Variants in ADK observed in about 807,000 individuals in gnomAD.
ADK encodes adenosine kinase.
In ADK, 24 loss-of-function variants were observed where a neutral mutation model predicts 44.7. The ratio of observed to expected loss-of-function variants is 0.54; its 90% confidence interval spans 0.39 to 0.76. The LOEUF is 0.76. Ranked by LOEUF, ADK falls within the 30% of genes least tolerant of loss-of-function variation. The pLI is 0.00. For synonymous variants in ADK, 128 were observed against 142.6 expected, an observed-to-expected ratio of 0.90 and a Z score of 0.73; for missense variants, 321 against 425.1, an observed-to-expected ratio of 0.76 and a Z score of 2.15.
intron 1 of ADK, among the ~76,000 whole-genome samples, chr10:74,191,727 G>A (rs891909386): frequency 1.3e-5 from 2 of 152,036 alleles, no homozygotes; most frequent in Non-Finnish European, 2.9e-5. Context: ...AGCTGATTTC[G>A]GTGTTATACA....
chr10:74,596,712 ATTTTTGTATT>A lies in ADK; in HGVS notation c.763-3658_763-3649del, dbSNP rs1228645032. On this transcript the variant is annotated intron_variant, in intron 8 of 10. Transcript: ENST00000539909. ...AGGCGCATGCCACCACACCTAGCAA[ATTTTTGTATT>A]TTTTTGTAGAGATGAAGTTTTACTA... 4.6e-5 allele frequency among the ~76,000 whole-genome samples: 7 copies of A among 152,024 alleles called. No individual in the cohort carries two copies. In the East Asian group the frequency reaches 1.2e-3, roughly 25 times the overall value.
chr10:74,645,160 C>A (rs1285698085), intron 9 of ADK, among the ~76,000 whole-genome samples: 2 of 152,154 alleles, frequency 1.3e-5, no homozygotes, highest in Non-Finnish European at 2.9e-5. Flanking sequence ...ATCCCCTACC[C>A]CCTGCCCCAA....
chr10:74,411,014 C>T (rs1014455720), intron 6 of ADK, among the ~76,000 whole-genome samples: 5 of 152,050 alleles, frequency 3.3e-5, no homozygotes, highest in East Asian at 3.8e-4. Flanking sequence ...GTTTTGAACT[C>T]GTATGTGTTA....
chr10:74,229,197 A>G (rs1844655927), intron 3 of ADK, among the ~76,000 whole-genome samples: 1 of 152,182 alleles, frequency 6.6e-6, no homozygotes, highest in African/African-American at 2.4e-5. Context: ...GATGGAAGAA[A>G]ATAAATAAAT....
intron 6 of ADK, among the ~76,000 whole-genome samples, chr10:74,468,984 TGA>T (rs146476797): frequency 3.3e-5 from 5 of 151,946 alleles, no homozygotes; most frequent in East Asian, 3.9e-4. Flanking sequence ...TGTGTGTGTG[TGA>T]GAGAGAGAGA....
chr10:74,645,925 C>T (rs2134113136), intron 9 of ADK, among the ~76,000 whole-genome samples: 1 of 152,230 alleles, frequency 6.6e-6, no homozygotes, highest in South Asian at 2.1e-4. Flanking sequence ...TTATGGGAAC[C>T]ACCTAGAGCA....
chr10:74,189,401 C>G (rs1246418622), intron 1 of ADK, among the ~76,000 whole-genome samples: 1 of 152,160 alleles, frequency 6.6e-6, no homozygotes, highest in Non-Finnish European at 1.5e-5. Context: ...GTTTTAAGGC[C>G]TACCCTGTGG....
chr10:74,605,295 CGA>C (rs902385602), intron 9 of ADK, among the ~76,000 whole-genome samples: 3 of 152,072 alleles, frequency 2.0e-5, no homozygotes, highest in Non-Finnish European at 2.9e-5. Context: ...ATAGGAGTGG[CGA>C]GAGAGTGCAT....
intron 9 of ADK, among the ~76,000 whole-genome samples, chr10:74,603,061 A>C (rs759673184): frequency 3.3e-5 from 5 of 152,248 alleles, no homozygotes; most frequent in Admixed American, 3.3e-4. Context: ...CACAAAAGAG[A>C]TGCCAATTTG....
intron 2 of ADK, among the ~76,000 whole-genome samples, chr10:74,214,670 T>C (rs1173483496): frequency 1.3e-5 from 2 of 152,220 alleles, no homozygotes; most frequent in Non-Finnish European, 2.9e-5. Context: ...AGGAGCACAT[T>C]TGAATAAAAA....
intron 6 of ADK, among the ~76,000 whole-genome samples, chr10:74,477,639 G>T (rs1846906378): frequency 6.6e-6 from 1 of 151,966 alleles, no homozygotes; most frequent in African/African-American, 2.4e-5. Context: ...AGCTTTTCAG[G>T]ATCTCCTTGA....
chr10:74,390,813 A>G (rs1218212528), intron 4 of ADK, among the ~76,000 whole-genome samples: 1 of 152,186 alleles, frequency 6.6e-6, no homozygotes, highest in Non-Finnish European at 1.5e-5. Flanking sequence ...CACCTTGTGG[A>G]CTTAATCTCA....
intron 6 of ADK, among the ~76,000 whole-genome samples, chr10:74,437,541 A>T (rs1274418500): frequency 1.3e-5 from 2 of 152,076 alleles, no homozygotes; most frequent in Non-Finnish European, 2.9e-5. Context: ...TTCCTTCAAT[A>T]AGTCCCTATC....
At chr10:74,706,864 T>C (rs1564862574) in intron 10 of ADK, among the ~76,000 whole-genome samples, 1 of 152,200 alleles carries the variant, frequency 6.6e-6, no homozygotes, top group Non-Finnish European at 1.5e-5. Flanking sequence ...TTCTGACCTT[T>C]GAACACTTTA....
chr10:74,687,641 G>A (rs774644024), intron 10 of ADK, among the ~76,000 whole-genome samples: 5 of 152,236 alleles, frequency 3.3e-5, no homozygotes, highest in Admixed American at 6.5e-5. Flanking sequence ...TCCCTACAAC[G>A]TGATCCATCT....
intron 10 of ADK, 145 bp downstream of exon 10, chr10:74,670,414 A>G (rs566107789): frequency 7.4e-5 from 51 of 686,328 alleles, no homozygotes; most frequent in Non-Finnish European, 1.3e-4. Context: ...ATATACTTCT[A>G]TCATTGTCAG....
chr10:74,474,434 T>G (rs541613133), intron 6 of ADK, among the ~76,000 whole-genome samples: 23 of 152,024 alleles, frequency 1.5e-4, no homozygotes, highest in African/African-American at 4.3e-4. Flanking sequence ...CAGTAGTCTT[T>G]TCTTTTCTTT....
intron 6 of ADK, among the ~76,000 whole-genome samples, chr10:74,404,030 G>A (rs1205384288): frequency 2.0e-5 from 3 of 151,920 alleles, no homozygotes; most frequent in Non-Finnish European, 4.4e-5. Context: ...CTGCCACCAT[G>A]CCCGGCTAAT....
At chr10:74,360,199 TA>T (rs1249940316) in intron 4 of ADK, among the ~76,000 whole-genome samples, 3 of 152,174 alleles carry the variant, frequency 2.0e-5, no homozygotes, top group African/African-American at 7.2e-5. Context: ...TGTTTGAAGT[TA>T]AACACTGATG....
Sources: allele counts gnomAD v4.1 joint callset (sites outside exome capture counted in the v4.1 genomes callset), GRCh38; gene constraint gnomAD v4.1.1; transcripts MANE v1.5; gene names NCBI Gene and HGNC (gene_info 2026-07-23, HGNC 2026-07-21).